ADD2: variants seen among roughly 807,000 people sequenced by gnomAD.
ADD2 encodes the protein adducin 2.
ADD2 carries 23 observed loss-of-function variants against 83.0 expected under a neutral mutation model. The ratio of observed to expected loss-of-function variants is 0.28; its 90% CI spans 0.20 to 0.39. The LOEUF (loss-of-function observed/expected upper bound fraction) is 0.39. Among genes scored for constraint, ADD2 ranks in the 10% least tolerant of loss-of-function variants. The probability of loss-of-function intolerance (pLI) is 1.00; values close to 1 mark genes in which losing one functional copy is unlikely to be tolerated. For synonymous variants in ADD2, 375 were observed against 375.4 expected (o/e 1.00, Z 0.01); for missense variants, 758 against 944.9 (o/e 0.80, Z 2.59).
chr2:70,746,504 TACC>T (rs1246529517), intron 1 of ADD2, among the ~76,000 whole-genome samples: 1 of 152,092 alleles, frequency 6.6e-6, no homozygotes, highest in African/African-American at 2.4e-5. Context: ...CTGAAGTAGG[TACC>T]ACCAAGATGA....
intron 9 of ADD2, among the ~76,000 whole-genome samples, chr2:70,684,264 T>G (rs917800011): frequency 3.9e-5 from 6 of 152,232 alleles, no homozygotes; most frequent in African/African-American, 1.4e-4. Context: ...TTTTTATTTT[T>G]ATTTTGAGAC....
chr2:70,672,587 T>G (rs11886453), intron 15 of ADD2, among the ~76,000 whole-genome samples: 1,550 of 152,290 alleles, frequency 0.01, 21 homozygotes, highest in African/African-American at 0.035. Context: ...AAGGGGCTAG[T>G]GCATCTGGAA....
At chr2:70,749,619 C>T (rs1170524285) in intron 1 of ADD2, among the ~76,000 whole-genome samples, 3 of 152,160 alleles carry the variant, frequency 2.0e-5, no homozygotes, top group Admixed American at 6.5e-5. Flanking sequence ...TGGTCAATAA[C>T]GTGTTAGCAC....
chr2:70,741,013 T>C (rs1673869703), intron 1 of ADD2, among the ~76,000 whole-genome samples: 1 of 152,220 alleles, frequency 6.6e-6, no homozygotes. Context: ...GTCTAAGAAA[T>C]TTTTTGATGG....
At chr2:70,760,729 T>A (rs1553384708) in intron 1 of ADD2, 3 of 152,218 alleles carry the variant, frequency 2.0e-5, no homozygotes, top group African/African-American at 7.2e-5. Flanking sequence ...GGGCATTCAC[T>A]TTATAATATT....
intron 1 of ADD2, among the ~76,000 whole-genome samples, chr2:70,716,884 A>G (rs7597992): frequency 0.22 from 33,073 of 152,008 alleles, 4,961 homozygotes; most frequent in African/African-American, 0.43. Context: ...CTAATTTGAG[A>G]CAGAACCCAG....
intron 1 of ADD2, among the ~76,000 whole-genome samples, chr2:70,720,616 T>C (rs1040914979): frequency 3.9e-5 from 6 of 152,222 alleles, no homozygotes; most frequent in African/African-American, 9.6e-5. Context: ...TTCTGACAGT[T>C]TGTATTTCCC....
intron 1 of ADD2, among the ~76,000 whole-genome samples, chr2:70,715,314 G>A (rs1356909521): frequency 3.3e-5 from 5 of 152,198 alleles, no homozygotes; most frequent in Admixed American, 3.3e-4. Context: ...AACCCTCTGA[G>A]CCTGCTGAAG....
In ADD2 at chr2:70,657,783, A is replaced by C. The variant is rs142435513; in HGVS notation, c.*5642T>G. 1 of 152,202 alleles carries C rather than the reference A, an allele frequency of 6.6e-6. No homozygotes were observed. Among genetic ancestry groups the C allele is most frequent in the African/African-American group, 2.4e-5 (1 of 41,420 alleles). The allele number at this position is 152,202 out of a possible 1,614,324, so 9.4% of individuals were successfully genotyped here. Reference sequence around the variant, plus strand: ...CAAACTCTTACGTTTTCTTTAAACTACCTAGAGATAAGCAATTTGCCGATC... The same window carrying C: ...CAAACTCTTACGTTTTCTTTAAACTCCCTAGAGATAAGCAATTTGCCGATC... On this transcript the variant is annotated 3_prime_UTR_variant, in exon 16 of 16. Transcript: ENST00000264436.
chr2:70,664,317 G>C (rs1675667425), intron 15 of ADD2, among the ~76,000 whole-genome samples: 1 of 152,156 alleles, frequency 6.6e-6, no homozygotes, highest in Non-Finnish European at 1.5e-5. Flanking sequence ...GAAGACCCCT[G>C]GTCAGCCCTT....
intron 1 of ADD2, among the ~76,000 whole-genome samples, chr2:70,721,520 A>G (rs1672729605): frequency 6.6e-6 from 1 of 152,136 alleles, no homozygotes. Context: ...CCTGAAGTGT[A>G]TTTTCTCAAG....
intron 15 of ADD2, among the ~76,000 whole-genome samples, chr2:70,664,990 G>C (rs1240112410): frequency 1.2e-5 from 1 of 81,276 alleles, no homozygotes; most frequent in Non-Finnish European, 2.7e-5. Context: ...GTGTGCGAGT[G>C]AGTGTGTGAC....
At chr2:70,690,675 T>G (rs1199540441) in intron 8 of ADD2, 111 bp downstream of exon 8, 11 of 1,291,176 alleles carry the variant, frequency 8.5e-6, no homozygotes, top group Non-Finnish European at 1.2e-5. Context: ...ATCTTTCTTT[T>G]TTTTCCCCCC....
chr2:70,672,924 C>A lies in ADD2; in HGVS notation c.1824G>T (p.Glu608Asp). ...AGACTAAAGGGCTCTTTGTCTCTGC[C>A]TCCTTCGCTGGGCTCTGCACTGGAG... ...PASPVQSPAK[E>D]AETKSPLVSP... Residue 608 changes from glutamate (E) to aspartate (D), a missense_variant, in exon 15 of 16, where the codon GAG (glutamate) becomes GAT (aspartate). Glu to Asp is a conservative substitution (Grantham distance 45, BLOSUM62 2). Around this residue, in one of 5 missense-constraint regions of ADD2, gnomAD observed 165 missense variants for 176.2 expected, o/e 0.94. Transcript: ENST00000264436. The A allele has an allele frequency of 6.2e-7, 1 of 1,613,652 alleles. No individual in the cohort carries two copies. Among genetic ancestry groups the A allele is most frequent in the Non-Finnish European group, 8.5e-7 (1 of 1,179,898 alleles).
intron 4 of ADD2, among the ~76,000 whole-genome samples, chr2:70,700,745 G>A (rs913273271): frequency 1.3e-5 from 2 of 151,962 alleles, no homozygotes; most frequent in Admixed American, 1.3e-4. Flanking sequence ...ATGAGAATGG[G>A]ATGTTATCTC....
At chr2:70,725,094 T>C (rs991899734) in intron 1 of ADD2, among the ~76,000 whole-genome samples, 9 of 152,328 alleles carry the variant, frequency 5.9e-5, no homozygotes, top group Non-Finnish European at 7.4e-5. Context: ...GCTGCGAGGG[T>C]TACCGAACCA....
intron 4 of ADD2, 53 bp downstream of exon 4, chr2:70,704,268 A>ACCCCCCCCTCCC: frequency 2.3e-6 from 1 of 429,184 alleles, no homozygotes; most frequent in Non-Finnish European, 3.9e-6. Context: ...TCTCTTCCCC[A>ACCCCCCCCTCCC]CCCCACCCTC....
chr2:70,703,896 A>G (rs1553373860), intron 4 of ADD2, among the ~76,000 whole-genome samples: 1 of 152,070 alleles, frequency 6.6e-6, no homozygotes, highest in East Asian at 1.9e-4. Context: ...AATCTTATTG[A>G]GGGGGAGTTA....
At chr2:70,665,291 CA>C (rs1449706859) in intron 15 of ADD2, among the ~76,000 whole-genome samples, 2 of 152,116 alleles carry the variant, frequency 1.3e-5, no homozygotes, top group Non-Finnish European at 2.9e-5. Context: ...CTCCCTGTAA[CA>C]AAGTCTTTGC....
Sources: allele counts gnomAD v4.1 joint callset (sites outside exome capture counted in the v4.1 genomes callset), GRCh38; gene constraint gnomAD v4.1.1; regional missense constraint gnomAD v4.1.1; transcripts MANE v1.5; gene names NCBI Gene and HGNC (gene_info 2026-07-23, HGNC 2026-07-21).